RALGAPA1: variants seen among roughly 807,000 people sequenced by gnomAD.
The protein encoded by RALGAPA1 is ral GTPase-activating protein subunit alpha-1.
RALGAPA1 carries 52 observed loss-of-function variants against 269.6 expected under a neutral mutation model. That is an observed-to-expected ratio of 0.19 (90% CI 0.15 to 0.24). The LOEUF is 0.24. Ranked by LOEUF, RALGAPA1 falls within the 10% of genes least tolerant of loss-of-function variation. The pLI is 1.00. For synonymous variants in RALGAPA1, 817 were observed against 1,008.3 expected (o/e 0.81, Z 3.60); for missense variants, 1,917 against 3,013.9 (o/e 0.64, Z 8.52).
At chr14:35,564,165 G>A (rs61989601) in intron 39 of RALGAPA1, among the ~76,000 whole-genome samples, 2,018 of 152,180 alleles carry the variant, frequency 0.013, 11 homozygotes, top group Non-Finnish European at 0.02. Flanking sequence ...GCTTCATGTG[G>A]ATAATTTTAC....
intron 5 of RALGAPA1, among the ~76,000 whole-genome samples, chr14:35,761,587 G>A (rs17103514): frequency 0.04 from 6,152 of 152,188 alleles, 355 homozygotes; most frequent in African/African-American, 0.12. Context: ...TAAGCTCCAA[G>A]ATACCAACTT....
intron 33 of RALGAPA1, among the ~76,000 whole-genome samples, chr14:35,628,942 G>C (rs925448615): frequency 6.6e-6 from 1 of 152,048 alleles, no homozygotes; most frequent in African/African-American, 2.4e-5. Context: ...TAGTTTAAGA[G>C]GCCTGGAAAG....
chr14:35,631,635 AAACCACC>A (rs2061362920), intron 33 of RALGAPA1, among the ~76,000 whole-genome samples: 2 of 152,088 alleles, frequency 1.3e-5, no homozygotes. Flanking sequence ...AATTGAAAAG[AAACCACC>A]ATAGAAAAGA....
At chr14:35,804,843 C>T (rs993256518) in intron 1 of RALGAPA1, among the ~76,000 whole-genome samples, 1 of 151,782 alleles carries the variant, frequency 6.6e-6, no homozygotes, top group African/African-American at 2.4e-5. Flanking sequence ...GAAGGAGGAT[C>T]GCTGGACCCT....
chr14:35,738,151 C>CCATCAA (rs1246413308), intron 12 of RALGAPA1, among the ~76,000 whole-genome samples: 1 of 150,152 alleles, frequency 6.7e-6, no homozygotes, highest in Admixed American at 6.6e-5. Flanking sequence ...AAACAAAAGA[C>CCATCAA]CATCAACAGA....
chr14:35,581,141 T>C (rs781120417), intron 37 of RALGAPA1, among the ~76,000 whole-genome samples: 2 of 152,148 alleles, frequency 1.3e-5, no homozygotes, highest in Non-Finnish European at 2.9e-5. Flanking sequence ...GGACAACTGG[T>C]ATAAGACAAC....
chr14:35,657,168 GTTTCTTTTTTCTT>G (rs1386667573), intron 28 of RALGAPA1, among the ~76,000 whole-genome samples: 22 of 151,416 alleles, frequency 1.5e-4, no homozygotes, highest in Admixed American at 3.3e-4. Flanking sequence ...GGGGTATTAA[GTTTCTTTTTTCTT>G]TTTCTTTTTT....
intron 37 of RALGAPA1, among the ~76,000 whole-genome samples, chr14:35,594,197 T>C (rs2058797493): frequency 6.6e-6 from 1 of 152,086 alleles, no homozygotes; most frequent in Admixed American, 6.6e-5. Flanking sequence ...AAAAGCTCCT[T>C]GATACTGGCC....
intron 36 of RALGAPA1, among the ~76,000 whole-genome samples, chr14:35,604,098 A>G (rs1217354182): frequency 6.6e-6 from 1 of 152,154 alleles, no homozygotes; most frequent in East Asian, 1.9e-4. Flanking sequence ...TACCAAAATT[A>G]TATGTTCCAC....
intron 8 of RALGAPA1, among the ~76,000 whole-genome samples, chr14:35,751,788 A>T (rs2072716949): frequency 6.8e-6 from 1 of 146,792 alleles, no homozygotes. Flanking sequence ...TGTCTCTTAA[A>T]AAAAACAACA....
At chr14:35,592,034 CTG>C (rs1300084262) in intron 37 of RALGAPA1, among the ~76,000 whole-genome samples, 1 of 152,230 alleles carries the variant, frequency 6.6e-6, no homozygotes, top group African/African-American at 2.4e-5. Flanking sequence ...CCTTGTGGAA[CTG>C]TGAGTCAATT....
At chr14:35,800,742 C>T (rs973786329) in intron 1 of RALGAPA1, among the ~76,000 whole-genome samples, 9 of 152,172 alleles carry the variant, frequency 5.9e-5, no homozygotes, top group Non-Finnish European at 1.2e-4. Context: ...TGGTAGCTCA[C>T]ACCTGTAATC....
At chr14:35,762,427 T>C (rs2073799008) in intron 5 of RALGAPA1, among the ~76,000 whole-genome samples, 1 of 152,140 alleles carries the variant, frequency 6.6e-6, no homozygotes, top group African/African-American at 2.4e-5. Context: ...GGCTAATTTT[T>C]GTATTTTTAG....
intron 12 of RALGAPA1, among the ~76,000 whole-genome samples, chr14:35,735,394 T>C (rs903614605): frequency 6.6e-6 from 1 of 152,164 alleles, no homozygotes; most frequent in African/African-American, 2.4e-5. Flanking sequence ...AAGGAATGAA[T>C]TAACGGCATT....
chr14:35,783,175 C>A (rs2075569823), intron 1 of RALGAPA1, among the ~76,000 whole-genome samples: 1 of 151,914 alleles, frequency 6.6e-6, no homozygotes, highest in African/African-American at 2.4e-5. Context: ...CTACACTAAT[C>A]AACAGAGTGT....
intron 35 of RALGAPA1, among the ~76,000 whole-genome samples, chr14:35,607,315 T>C (rs2059659249): frequency 6.6e-6 from 1 of 152,162 alleles, no homozygotes; most frequent in Admixed American, 6.5e-5. Flanking sequence ...GTTCCCTCTC[T>C]CTCCAGCTTC....
chr14:35,613,679 C>T (rs1010635870), intron 35 of RALGAPA1, among the ~76,000 whole-genome samples: 2 of 152,084 alleles, frequency 1.3e-5, no homozygotes, highest in South Asian at 2.1e-4. Context: ...CCATCTTTCC[C>T]GTGTATGCAG....
chr14:35,612,985 G>T (rs1296144326), intron 35 of RALGAPA1, among the ~76,000 whole-genome samples: 1 of 152,004 alleles, frequency 6.6e-6, no homozygotes, highest in Non-Finnish European at 1.5e-5. Flanking sequence ...GAAAAAAATT[G>T]CAAATCATAT....
intron 39 of RALGAPA1, among the ~76,000 whole-genome samples, chr14:35,568,602 C>A (rs545967694): frequency 6.4e-4 from 97 of 152,248 alleles, no homozygotes; most frequent in African/African-American, 2.3e-3. Flanking sequence ...TTTCACAAAT[C>A]ATTCTCCCCA....
Sources: gnomAD v4.1 joint callset for allele counts (sites outside exome capture counted in the v4.1 genomes callset) on GRCh38, gnomAD v4.1.1 for gene constraint, MANE v1.5 for transcripts, NCBI Gene and HGNC (gene_info 2026-07-23, HGNC 2026-07-21) for gene names.